The following MPPED2 variants were observed in gnomAD, a reference collection of about 807,000 sequenced individuals.
MPPED2 encodes metallophosphoesterase domain containing 2, also known as metallophosphoesterase MPPED2.
A neutral mutation model predicts 33.0 loss-of-function variants in MPPED2; 5 were observed. The ratio of observed to expected loss-of-function variants is 0.15; its 90% CI spans 0.08 to 0.32. The LOEUF (loss-of-function observed/expected upper bound fraction) is 0.32. Among genes scored for constraint, MPPED2 ranks in the 10% least tolerant of loss-of-function variants. The pLI is 1.00. For synonymous variants in MPPED2, 136 were observed against 141.9 expected (o/e 0.96, Z 0.29); for missense variants, 275 against 372.1 (o/e 0.74, Z 2.15).
At chr11:30,477,941 C>CT (rs924550643) in intron 4 of MPPED2, among the ~76,000 whole-genome samples, 16 of 152,062 alleles carry the variant, frequency 1.1e-4, no homozygotes, top group African/African-American at 3.6e-4. Context: ...TTAGCTCTCT[C>CT]TTTTTTTCCC....
At chr11:30,557,600 C>G (rs1956037824) in intron 2 of MPPED2, among the ~76,000 whole-genome samples, 2 of 152,124 alleles carry the variant, frequency 1.3e-5, no homozygotes, top group Admixed American at 1.3e-4. Flanking sequence ...TAAGGAAAGG[C>G]TACTGGCTAA....
At chr11:30,471,614 T>A (rs1018303059) in intron 4 of MPPED2, among the ~76,000 whole-genome samples, 4 of 152,310 alleles carry the variant, frequency 2.6e-5, no homozygotes, top group African/African-American at 7.2e-5. Context: ...CTTGTGACAG[T>A]CTGTTAAATG....
intron 2 of MPPED2, among the ~76,000 whole-genome samples, chr11:30,572,345 A>G (rs533235500): frequency 2.0e-5 from 3 of 152,290 alleles, no homozygotes; most frequent in Admixed American, 2.0e-4. Context: ...GAATAGGGAA[A>G]AAGTCAGCTC....
intron 3 of MPPED2, among the ~76,000 whole-genome samples, chr11:30,522,647 G>C (rs1015168281): frequency 1.3e-5 from 2 of 152,140 alleles, no homozygotes; most frequent in African/African-American, 4.8e-5. Context: ...CTTAACCTTG[G>C]GCTCCACTCC....
intron 4 of MPPED2, among the ~76,000 whole-genome samples, chr11:30,423,953 C>T (rs1948725175): frequency 6.6e-6 from 1 of 152,134 alleles, no homozygotes; most frequent in East Asian, 1.9e-4. Flanking sequence ...CTAGACAGAG[C>T]CTGATTTCCT....
intron 1 of MPPED2, among the ~76,000 whole-genome samples, chr11:30,582,691 G>C (rs1957223360): frequency 1.3e-5 from 2 of 152,218 alleles, no homozygotes; most frequent in Non-Finnish European, 2.9e-5. Flanking sequence ...GCTAAGAAGA[G>C]ACAGAATTTA....
chr11:30,448,502 C>T (rs573419), intron 4 of MPPED2, among the ~76,000 whole-genome samples: 17,802 of 151,954 alleles, frequency 0.12, 1,382 homozygotes, highest in South Asian at 0.24. Context: ...TAAAGTGTTA[C>T]GGCTTTATCA....
intron 3 of MPPED2, among the ~76,000 whole-genome samples, chr11:30,519,322 G>A (rs1953717278): frequency 6.6e-6 from 1 of 151,968 alleles, no homozygotes. Flanking sequence ...AAGTATGTGT[G>A]TGTGGGTGTG....
At chr11:30,408,870 G>T (rs1948030345), downstream of MPPED2, among the ~76,000 whole-genome samples, 1 of 152,184 alleles carries the variant, frequency 6.6e-6, no homozygotes, top group South Asian at 2.1e-4. Context: ...TGCCCAATTT[G>T]TAAGAGCTGT....
chr11:30,458,280 T>A (rs1392782947), intron 4 of MPPED2, among the ~76,000 whole-genome samples: 1 of 151,926 alleles, frequency 6.6e-6, no homozygotes, highest in African/African-American at 2.4e-5. Context: ...GATCAGAGAG[T>A]ACAACCTTGC....
intron 2 of MPPED2, among the ~76,000 whole-genome samples, chr11:30,550,936 T>G (rs1297385200): frequency 6.6e-6 from 1 of 152,234 alleles, no homozygotes; most frequent in Non-Finnish European, 1.5e-5. Context: ...AGTTAACTAC[T>G]TTGCCCCTCT....
chr11:30,407,790 G>A (rs958544649), downstream of MPPED2, among the ~76,000 whole-genome samples: 2 of 152,194 alleles, frequency 1.3e-5, no homozygotes, highest in African/African-American at 4.8e-5. Flanking sequence ...AGAATTGCTT[G>A]AGCCCAGAAG....
At chr11:30,495,590 G>A in intron 3 of MPPED2, 69 bp from the exon 4 acceptor site, 2 of 1,170,178 alleles carry the variant, frequency 1.7e-6, no homozygotes, top group Non-Finnish European at 2.5e-6. Context: ...AGCCGAGACT[G>A]TGTGATTAGC....
At chr11:30,498,080 C>T (rs537068293) in intron 3 of MPPED2, among the ~76,000 whole-genome samples, 3,547 of 134,042 alleles carry the variant, frequency 0.026, 71 homozygotes, top group Admixed American at 0.064. Context: ...TTTTTTTTTT[C>T]CAGACTAGAT....
chr11:30,387,546 T>A (rs1030545946), exon 7 of MPPED2: 1 of 152,142 alleles, frequency 6.6e-6, no homozygotes, highest in Non-Finnish European at 1.5e-5. Context: ...CATCCCATGC[T>A]CTGCTCCCAT....
chr11:30,490,836 T>A (rs192895725), intron 4 of MPPED2, among the ~76,000 whole-genome samples: 1 of 152,350 alleles, frequency 6.6e-6, no homozygotes, highest in African/African-American at 2.4e-5. Flanking sequence ...AATATTCTTT[T>A]TCTGTAGCTA....
exon 7 of MPPED2, chr11:30,386,801 A>G: frequency 5.0e-6 from 2 of 398,578 alleles, no homozygotes; most frequent in East Asian, 3.6e-5. Flanking sequence ...CTTCACTCAT[A>G]TTAGTAGGAT....
chr11:30,434,283 G>A (rs1160891480), intron 4 of MPPED2, among the ~76,000 whole-genome samples: 1 of 152,176 alleles, frequency 6.6e-6, no homozygotes, highest in East Asian at 1.9e-4. Context: ...GAGGAGGTGG[G>A]CAGGGATCCA....
chr11:30,555,212 C>A (rs999821298), intron 2 of MPPED2, among the ~76,000 whole-genome samples: 1 of 152,178 alleles, frequency 6.6e-6, no homozygotes, highest in Non-Finnish European at 1.5e-5. Context: ...CCAGGCACCC[C>A]AAACACCACC....
Sources: gnomAD v4.1 joint callset for allele counts (sites outside exome capture counted in the v4.1 genomes callset) on GRCh38, gnomAD v4.1.1 for gene constraint, MANE v1.5 for transcripts, NCBI Gene and HGNC (gene_info 2026-07-23, HGNC 2026-07-21) for gene names.